ZNF490: variants seen among roughly 807,000 people sequenced by gnomAD.
ZNF490 encodes zinc finger protein 490.
ZNF490 carries 11 observed loss-of-function variants against 17.7 expected under a neutral mutation model. The observed-to-expected ratio is 0.62, with a 90% CI of 0.39 to 1.03. The LOEUF (loss-of-function observed/expected upper bound fraction) is 1.03. ZNF490 is among the 50% of genes least tolerant of loss of function. The pLI, the probability that ZNF490 is intolerant of heterozygous loss-of-function variation, is 0.00. For synonymous variants in ZNF490, 222 were observed against 216.1 expected (o/e 1.03, Z -0.24); for missense variants, 542 against 643.4 (o/e 0.84, Z 1.71).
chr19:12,592,567 G>A (rs919987181), intron 2 of ZNF490, among the ~76,000 whole-genome samples: 3 of 152,084 alleles, frequency 2.0e-5, no homozygotes, highest in African/African-American at 7.2e-5. Context: ...TGGGAAGAGG[G>A]AGGGACTAAT....
At position 12,587,891 on chromosome 19, in the gene ZNF490, C is replaced by T. The variant is rs535452916; in HGVS notation, c.163-4335G>A. Among the ~76,000 whole-genome samples, 7 of 85,454 alleles carry T rather than the reference C, an allele frequency of 8.2e-5. 3 individuals carry two copies. The highest frequency in any genetic ancestry group is 5.5e-4 in the Admixed American group (5 of 9,042). The allele number at this position is 85,454 out of a possible 152,430, so 56.1% of individuals were successfully genotyped here. A position where few individuals can be genotyped will look rare whatever the true frequency, so the allele number is the denominator to read the frequency against. On this transcript the variant is annotated intron_variant, in intron 2 of 4. Transcript: ENST00000311437. The stretch of plus-strand genomic sequence containing the variant: ...TTTTTGTTTGTTTGTTTGTTTGAGT[C>T]GAAGTTTCGCTCTTGTTGCCCAGGC...
At chr19:12,608,601 G>A (rs1263176447) in intron 2 of ZNF490, among the ~76,000 whole-genome samples, 2 of 151,718 alleles carry the variant, frequency 1.3e-5, no homozygotes, top group African/African-American at 4.8e-5. Flanking sequence ...CACCCAAGTA[G>A]CTGAGATTAC....
intron 2 of ZNF490, among the ~76,000 whole-genome samples, chr19:12,606,331 C>G (rs1225026692): frequency 2.0e-5 from 3 of 151,326 alleles, no homozygotes; most frequent in Non-Finnish European, 4.4e-5. Context: ...CATGCCACCA[C>G]CCTGGGTAAT....
chr19:12,608,552 C>A (rs1013487713), intron 2 of ZNF490, among the ~76,000 whole-genome samples: 1 of 151,976 alleles, frequency 6.6e-6, no homozygotes, highest in Non-Finnish European at 1.5e-5. Flanking sequence ...CTCACTGCAA[C>A]CTCCTCCTCC....
At chr19:12,588,789 A>C (rs1477597689) in intron 2 of ZNF490, among the ~76,000 whole-genome samples, 2 of 152,254 alleles carry the variant, frequency 1.3e-5, no homozygotes, top group Non-Finnish European at 2.9e-5. Context: ...TCCAGAATTG[A>C]TAACAGAAAG....
chr19:12,581,590 C>G lies in ZNF490; in HGVS notation c.485G>C (p.Gly162Ala). 1.2e-6 allele frequency: 2 copies of G among 1,614,120 alleles called. No homozygotes were observed. Among genetic ancestry groups the G allele is most frequent in the Non-Finnish European group, 1.7e-6 (2 of 1,180,022 alleles). Residue 162 changes from glycine (G) to alanine (A), a missense_variant, in exon 5 of 5, where the codon GGG becomes GCG. By Grantham distance (60) the Gly-to-Ala change is moderately conservative. Coordinates refer to ENST00000311437, the MANE Select transcript of ZNF490 (RefSeq NM_020714.3). The part of the protein sequence containing the change: ...GLKPCDCSVC[G>A]EVFMHQVSLN... ...GGAGACCTGATGCATGAAGACTTCC[C>G]CACACACACTGCAGTCACATGGTTT... is the stretch of plus-strand genomic sequence containing the variant.
chr19:12,609,318 C>A, intron 1 of ZNF490, 116 bp from the exon 2 acceptor site: 1 of 809,228 alleles, frequency 1.2e-6, no homozygotes, highest in Non-Finnish European at 2.1e-6. Context: ...CACAGAGCTA[C>A]CAGAAGGGTG....
chr19:12,577,402 C>G lies in ZNF490; in HGVS notation c.*3083G>C, dbSNP rs1385413807. 3 of 982,202 alleles carry G rather than the reference C, an allele frequency of 3.1e-6. No individual in the cohort carries two copies. Among genetic ancestry groups the G allele is most frequent in the Non-Finnish European group, 3.6e-6 (3 of 827,108 alleles). The allele number at this position is 982,202 out of a possible 1,614,324, so 60.8% of individuals were successfully genotyped here. A position where few individuals can be genotyped will look rare whatever the true frequency, so the allele number is the denominator to read the frequency against. On this transcript the variant is annotated 3_prime_UTR_variant, in exon 5 of 5. Transcript: ENST00000311437. ...GAATCTCGAACTTCCTGACCTCCCA[C>G]AGTACAATAATCATCTCTCTACAAA... is the stretch of plus-strand genomic sequence containing the variant.
At position 12,576,118 on chromosome 19, in the gene ZNF490, T is replaced by C. The variant is rs916456493; in HGVS notation, c.*4367A>G. ...TAAAATCTTTGATGGTGAAAAACCA[T>C]ATTTTTAATATCTAATATCAGAAAC... On this transcript the variant is annotated 3_prime_UTR_variant, in exon 5 of 5. Coordinates refer to ENST00000311437, the MANE Select transcript of ZNF490 (RefSeq NM_020714.3). 2.0e-5 allele frequency among the ~76,000 whole-genome samples: 3 copies of C among 152,206 alleles called. No individual in the cohort carries two copies. The highest frequency in any genetic ancestry group is 2.9e-5 in the Non-Finnish European group (2 of 68,038).
intron 2 of ZNF490, among the ~76,000 whole-genome samples, chr19:12,604,295 C>G (rs1395035166): frequency 6.6e-6 from 1 of 151,468 alleles, no homozygotes; most frequent in Non-Finnish European, 1.5e-5. Context: ...GCAGGTGGAT[C>G]ACTTGAGGTC....
At position 12,579,412 on chromosome 19, in the gene ZNF490, G is replaced by T. The variant is rs11669637; in HGVS notation, c.*1073C>A. The T allele has an allele frequency of 0.15, 22,331 of 151,316 alleles. 1,755 individuals carry two copies. Among genetic ancestry groups the T allele is most frequent in the Admixed American group, 0.2 (2,993 of 15,166 alleles). 9.4% of individuals were successfully genotyped at this position (151,316 alleles called of 1,614,324 possible). The stretch of plus-strand genomic sequence containing the variant: ...CTAAAAATATAAAAATTAGTTGGGC[G>T]TGGTGGCATGTGCCTGTAATGCCAG... On this transcript the variant is annotated 3_prime_UTR_variant, in exon 5 of 5. Transcript: ENST00000311437.
chr19:12,591,286 G>A (rs906859179), intron 2 of ZNF490, among the ~76,000 whole-genome samples: 2 of 151,976 alleles, frequency 1.3e-5, no homozygotes, highest in Admixed American at 1.3e-4. Flanking sequence ...CTACTTGGCA[G>A]GCTGAGGTAG....
chr19:12,605,299 G>A (rs773240657), intron 2 of ZNF490, among the ~76,000 whole-genome samples: 5 of 152,124 alleles, frequency 3.3e-5, no homozygotes, highest in African/African-American at 1.2e-4. Flanking sequence ...CTGGACAACA[G>A]AGCGAGACCC....
In ZNF490 at chr19:12,581,203, T is replaced by G; in HGVS notation, c.872A>C (p.Gln291Pro). ...KQCGKAFIYY[Q>P]PFLTHERTHT... ...AGTCCTTTCGTGGGTTAGAAAAGGC[T>G]GGTAATATATAAAGGCTTTTCCACA... The change falls in exon 5 of 5, where the codon CAG (glutamine) becomes CCG (proline). Residue 291 changes from glutamine (Q) to proline (P), a missense_variant. By Grantham distance (76) the Gln-to-Pro change is moderately conservative. Transcript: ENST00000311437. 6.2e-7 allele frequency: 1 copy of G among 1,610,402 alleles called. No individual in the cohort carries two copies. Among genetic ancestry groups the G allele is most frequent in the East Asian group, 2.2e-5 (1 of 44,846 alleles).
chr19:12,578,653 A>G lies in ZNF490; in HGVS notation c.*1832T>C. On this transcript the variant is annotated 3_prime_UTR_variant, in exon 5 of 5. Transcript: ENST00000311437. ...ACTGTAAGATGCGAACCTTTGTCTTAGAAGTACAGCATTCCCACAGTCTGA... is the reference window on the plus strand; with the variant it reads ...ACTGTAAGATGCGAACCTTTGTCTTGGAAGTACAGCATTCCCACAGTCTGA... 2 of 985,492 alleles carry G rather than the reference A, an allele frequency of 2.0e-6. No homozygotes were observed. Among genetic ancestry groups the G allele is most frequent in the Non-Finnish European group, 2.4e-6 (2 of 829,968 alleles). 61.0% of individuals were successfully genotyped at this position (985,492 alleles called of 1,614,324 possible).
chr19:12,609,366 T>C (rs2023114555), intron 1 of ZNF490, among the ~76,000 whole-genome samples, 164 bp from the exon 2 acceptor site: 1 of 151,974 alleles, frequency 6.6e-6, no homozygotes. Flanking sequence ...GTCTCCTCTA[T>C]AATGGGAAAA....
chr19:12,597,571 A>T (rs1207335483), intron 2 of ZNF490, among the ~76,000 whole-genome samples: 1 of 152,158 alleles, frequency 6.6e-6, no homozygotes, highest in East Asian at 1.9e-4. Flanking sequence ...AATCTTGCAA[A>T]TTTGAAACTC....
In ZNF490 at chr19:12,585,459, T is replaced by C. The variant is rs140990558; in HGVS notation, c.163-1903A>G. The stretch of plus-strand genomic sequence containing the variant: ...CCACCCTGAAGTTAGGTAGGCATTC[T>C]TTCCAGTAGTCATTTATTTACAACA... On this transcript the variant is annotated intron_variant, in intron 2 of 4. Coordinates refer to ENST00000311437, the MANE Select transcript of ZNF490 (RefSeq NM_020714.3). Among the ~76,000 whole-genome samples, 434 of 92,968 alleles carry C rather than the reference T, an allele frequency of 4.7e-3. 123 individuals carry two copies. Among genetic ancestry groups the C allele is most frequent in the African/African-American group, 0.013 (416 of 31,026 alleles). The allele number at this position is 92,968 out of a possible 152,430, so 61.0% of individuals were successfully genotyped here. A position where few individuals can be genotyped will look rare whatever the true frequency, so the allele number is the denominator to read the frequency against.
rs1040612761 is a variant in ZNF490 at position 12,580,691 on chromosome 19, G to A, written c.1384C>T (p.Arg462Ter). The change falls in exon 5 of 5, where the codon CGA (arginine) becomes TGA (stop). Residue 462 changes from arginine to a stop codon, truncating the protein, a stop_gained. Coordinates refer to ENST00000311437, the MANE Select transcript of ZNF490 (RefSeq NM_020714.3). LOFTEE classifies it low-confidence loss of function (END_TRUNC). ...CCAGTGTGACTTCTTTCGTGCCTTC[G>A]AAGGTGACTGAAGTAAATGAAGACC... ...GRVFIYFSHL[R>*]RHERSHTGVK... 40 of 1,614,022 alleles carry A rather than the reference G, an allele frequency of 2.5e-5. No individual in the cohort carries two copies. The highest frequency in any genetic ancestry group is 3.4e-5 in the Non-Finnish European group (40 of 1,180,014).
Sources: gnomAD v4.1 joint callset for allele counts (sites outside exome capture counted in the v4.1 genomes callset) on GRCh38, gnomAD v4.1.1 for gene constraint, MANE v1.5 for transcripts, NCBI Gene and HGNC (gene_info 2026-07-23, HGNC 2026-07-21) for gene names.